Variants in GPBP1 observed in about 807,000 individuals in gnomAD.
The protein encoded by GPBP1 is GC-rich promoter binding protein 1, also known as vasculin.
A neutral mutation model predicts 56.5 loss-of-function variants in GPBP1; 13 were observed. That is an observed-to-expected ratio of 0.23 (90% CI 0.15 to 0.37). The LOEUF is 0.37. Among genes scored for constraint, GPBP1 ranks in the 10% least tolerant of loss-of-function variants. The probability of loss-of-function intolerance (pLI) is 1.00; values close to 1 mark genes in which losing one functional copy is unlikely to be tolerated. For synonymous variants in GPBP1, 204 were observed against 188.9 expected (o/e 1.08, Z -0.66); for missense variants, 477 against 572.3 (o/e 0.83, Z 1.70).
At chr5:57,197,718 T>C (rs1022806371) in intron 2 of GPBP1, among the ~76,000 whole-genome samples, 2 of 152,152 alleles carry the variant, frequency 1.3e-5, no homozygotes, top group Non-Finnish European at 2.9e-5. Flanking sequence ...AGGTGTTGTT[T>C]TCTTTCTAGA....
intron 5 of GPBP1, among the ~76,000 whole-genome samples, chr5:57,235,110 C>A (rs1308689194): frequency 1.3e-5 from 2 of 152,088 alleles, no homozygotes; most frequent in African/African-American, 2.4e-5. Context: ...AGTTGGAGAT[C>A]AGCCTGGCCA....
intron 2 of GPBP1, 129 bp from the exon 3 acceptor site, chr5:57,213,945 T>A (rs1561343898): frequency 1.8e-6 from 1 of 550,344 alleles, no homozygotes; most frequent in Non-Finnish European, 3.2e-6. Flanking sequence ...ATCTCTATAG[T>A]TTTGTCTTTT....
chr5:57,204,507 C>T (rs556412668), intron 2 of GPBP1, among the ~76,000 whole-genome samples: 19 of 152,286 alleles, frequency 1.2e-4, no homozygotes, highest in African/African-American at 4.6e-4. Flanking sequence ...CGACCTGGGC[C>T]TCCCAAAGTG....
At chr5:57,248,704 G>C (rs986514211) in intron 8 of GPBP1, among the ~76,000 whole-genome samples, 2 of 152,326 alleles carry the variant, frequency 1.3e-5, no homozygotes, top group East Asian at 3.9e-4. Flanking sequence ...AAAGTGCTGG[G>C]ATTACAGGCG....
intron 6 of GPBP1, 78 bp downstream of exon 6, chr5:57,236,110 TAGAG>T (rs767563011): frequency 1.3e-4 from 120 of 923,704 alleles, no homozygotes; most frequent in East Asian, 4.8e-4. Context: ...TTTTTTAAAA[TAGAG>T]AGCAGGCTAG....
intron 10 of GPBP1, among the ~76,000 whole-genome samples, chr5:57,260,244 A>T (rs1741831685): frequency 6.6e-6 from 1 of 152,064 alleles, no homozygotes; most frequent in South Asian, 2.1e-4. Flanking sequence ...AACAAGATTA[A>T]TTTTTTCCTT....
intron 10 of GPBP1, among the ~76,000 whole-genome samples, chr5:57,256,433 G>A (rs754474604): frequency 3.6e-4 from 55 of 151,788 alleles, no homozygotes; most frequent in Non-Finnish European, 4.7e-4. Flanking sequence ...CATTGTTTTC[G>A]TCTTTTTAAA....
intron 5 of GPBP1, among the ~76,000 whole-genome samples, chr5:57,231,675 T>A (rs1756467841): frequency 6.6e-6 from 1 of 152,244 alleles, no homozygotes; most frequent in African/African-American, 2.4e-5. Context: ...TTCTTGCGAT[T>A]CATTCTTGAT....
At chr5:57,258,416 G>C (rs1009116242) in intron 10 of GPBP1, among the ~76,000 whole-genome samples, 2 of 152,078 alleles carry the variant, frequency 1.3e-5, no homozygotes, top group African/African-American at 4.8e-5. Context: ...CTACAAACCT[G>C]TATAGCATGT....
intron 2 of GPBP1, among the ~76,000 whole-genome samples, chr5:57,178,883 A>G (rs1753914337): frequency 6.6e-6 from 1 of 151,930 alleles, no homozygotes; most frequent in African/African-American, 2.4e-5. Context: ...CCCTTTCTAA[A>G]CTGTAGGTCT....
intron 5 of GPBP1, among the ~76,000 whole-genome samples, chr5:57,233,092 A>G (rs1179820310): frequency 6.6e-6 from 1 of 152,196 alleles, no homozygotes; most frequent in African/African-American, 2.4e-5. Context: ...TAGTTTTTAC[A>G]GTTCTTAGGT....
Position 57,214,314 on chromosome 5 carries a change from G to A in GPBP1, c.63+121G>A, listed in dbSNP as rs575876023. 28 of 852,710 alleles carry A rather than the reference G, an allele frequency of 3.3e-5. No individual in the cohort carries two copies. In the African/African-American group the frequency reaches 3.6e-4, roughly 11 times the overall value. The allele number at this position is 852,710 out of a possible 1,614,324, so 52.8% of individuals were successfully genotyped here. A position where few individuals can be genotyped will look rare whatever the true frequency, so the allele number is the denominator to read the frequency against. ...GAGAAGTACATTTGTGGCTGGGCGC[G>A]GTGGCTCACCCCTGTAATCTCAGCA... On this transcript the variant is annotated intron_variant, in intron 3 of 11. Coordinates refer to ENST00000506184, the MANE Select transcript of GPBP1 (RefSeq NM_022913.4).
In GPBP1 at chr5:57,263,235, C is replaced by A. The variant is rs1741986069; in HGVS notation, c.*483C>A. The A allele has an allele frequency of 6.6e-6, 1 of 152,578 alleles. No homozygotes were observed. The highest frequency in any genetic ancestry group is 6.5e-5 in the Admixed American group (1 of 15,282). The allele number at this position is 152,578 out of a possible 1,614,324, so 9.5% of individuals were successfully genotyped here. On this transcript the variant is annotated 3_prime_UTR_variant, in exon 12 of 12. Coordinates refer to ENST00000506184, the MANE Select transcript of GPBP1 (RefSeq NM_022913.4). ...CCCCCAAAAAACAACAACAACAAAA[C>A]AAAAACCAAAAAGGAAAATGTAGCA...
chr5:57,197,242 T>G (rs1310997329), intron 2 of GPBP1, among the ~76,000 whole-genome samples: 2 of 152,132 alleles, frequency 1.3e-5, no homozygotes, highest in African/African-American at 4.8e-5. Flanking sequence ...TTCCTACACA[T>G]TGTCCTCCTC....
intron 3 of GPBP1, among the ~76,000 whole-genome samples, chr5:57,219,407 AAAAC>A (rs774911715): frequency 1.6e-5 from 1 of 63,794 alleles, no homozygotes; most frequent in Non-Finnish European, 2.6e-5. Flanking sequence ...AAAAAAACCA[AAAAC>A]AAACAAACAA....
At chr5:57,228,763 T>C (rs1561356011) in intron 3 of GPBP1, among the ~76,000 whole-genome samples, 1 of 151,652 alleles carries the variant, frequency 6.6e-6, no homozygotes, top group Non-Finnish European at 1.5e-5. Flanking sequence ...TTTAAAATGC[T>C]ATAAGGTGCT....
intron 6 of GPBP1, among the ~76,000 whole-genome samples, chr5:57,236,424 GAA>G (rs146109209): frequency 1.3e-5 from 2 of 152,214 alleles, no homozygotes; most frequent in East Asian, 3.9e-4. Flanking sequence ...AGTGTGACAT[GAA>G]GTTAATATTT....
chr5:57,212,097 C>T (rs1029916657), intron 2 of GPBP1, among the ~76,000 whole-genome samples: 5 of 151,892 alleles, frequency 3.3e-5, no homozygotes, highest in African/African-American at 7.3e-5. Flanking sequence ...CCACCGTGCC[C>T]TGCTAATTTT....
chr5:57,189,940 G>A (rs533629235), intron 2 of GPBP1, among the ~76,000 whole-genome samples: 84 of 152,160 alleles, frequency 5.5e-4, no homozygotes, highest in African/African-American at 1.8e-3. Flanking sequence ...TAACCATTTT[G>A]TGTAAAGTGG....
Sources: gnomAD v4.1 joint callset for allele counts (sites outside exome capture counted in the v4.1 genomes callset) on GRCh38, gnomAD v4.1.1 for gene constraint, MANE v1.5 for transcripts, NCBI Gene and HGNC (gene_info 2026-07-23, HGNC 2026-07-21) for gene names.